The following LRP1B variants were observed in gnomAD, a reference collection of about 807,000 sequenced individuals.
The protein encoded by LRP1B is low-density lipoprotein receptor-related protein 1B.
A neutral mutation model predicts 556.6 loss-of-function variants in LRP1B; 217 were observed. The observed-to-expected ratio is 0.39, with a 90% confidence interval of 0.35 to 0.44. The LOEUF is 0.44. LRP1B is among the 20% of genes least tolerant of loss of function. LRP1B has a pLI of 1.00. For synonymous variants in LRP1B, 2,047 were observed against 1,865.8 expected (o/e 1.10, Z -2.50); for missense variants, 5,053 against 5,620.8 (o/e 0.90, Z 3.23).
intron 21 of LRP1B, among the ~76,000 whole-genome samples, chr2:140,919,302 C>T (rs1694670321): frequency 6.6e-6 from 1 of 151,964 alleles, no homozygotes. Flanking sequence ...AGAAATACAA[C>T]TTATATTTTT....
Position 141,033,383 on chromosome 2 carries a change from G to A in LRP1B, c.1790-13281C>T, listed in dbSNP as rs538416339. On this transcript the variant is annotated intron_variant, in intron 11 of 90. Transcript: ENST00000389484. ...TGGAAAGTTGTAAGTAGATTAACCA[G>A]ACTAGATTTAAAATTTAAAAAACTA... 3.9e-5 allele frequency among the ~76,000 whole-genome samples: 6 copies of A among 152,100 alleles called. No individual in the cohort carries two copies. The South Asian group carries it at 6.2e-4, about 16-fold the overall frequency.
chr2:140,844,688 G>T (rs1420744483), intron 29 of LRP1B, among the ~76,000 whole-genome samples: 1 of 152,076 alleles, frequency 6.6e-6, no homozygotes, highest in South Asian at 2.1e-4. Flanking sequence ...CAGTTCTGGG[G>T]TCTCTCATTT....
chr2:141,626,829 T>C (rs1688717589), intron 2 of LRP1B, among the ~76,000 whole-genome samples: 1 of 152,194 alleles, frequency 6.6e-6, no homozygotes, highest in Middle Eastern at 3.2e-3. Context: ...GAGCAATGAT[T>C]GAGAATTCAT....
chr2:140,813,148 A>C (rs1353528416), intron 32 of LRP1B, among the ~76,000 whole-genome samples: 1 of 152,188 alleles, frequency 6.6e-6, no homozygotes, highest in African/African-American at 2.4e-5. Context: ...ATTGAATCAA[A>C]GAATGGAAAT....
At chr2:141,040,382 G>A (rs1010503488) in intron 11 of LRP1B, among the ~76,000 whole-genome samples, 14 of 152,036 alleles carry the variant, frequency 9.2e-5, no homozygotes, top group African/African-American at 3.1e-4. Context: ...TCATTACTAC[G>A]AAACTCAATC....
At chr2:141,895,605 T>TC (rs1258072778) in intron 1 of LRP1B, among the ~76,000 whole-genome samples, 25 of 152,162 alleles carry the variant, frequency 1.6e-4, no homozygotes, top group Non-Finnish European at 2.6e-4. Context: ...ACCATTTTTT[T>TC]CCACCCATGA....
intron 14 of LRP1B, among the ~76,000 whole-genome samples, chr2:141,012,443 G>T (rs1032016431): frequency 4.6e-5 from 7 of 151,882 alleles, no homozygotes; most frequent in African/African-American, 1.2e-4. Flanking sequence ...GTGTGGTAGG[G>T]GTGCAGGGTT....
intron 58 of LRP1B, 21 bp downstream of exon 58, chr2:140,487,596 A>G (rs1688521324): frequency 3.1e-6 from 5 of 1,588,952 alleles, no homozygotes; most frequent in Non-Finnish European, 3.4e-6. Context: ...CAACAATCCC[A>G]TCATTGTAAT....
chr2:141,846,010 AAGAG>A (rs70994456), intron 1 of LRP1B, among the ~76,000 whole-genome samples: 3 of 150,658 alleles, frequency 2.0e-5, no homozygotes, highest in Non-Finnish European at 4.4e-5. Flanking sequence ...AGGAAATTTA[AAGAG>A]AGAGAGAGAG....
At chr2:140,416,404 C>T (rs1204391083) in intron 66 of LRP1B, among the ~76,000 whole-genome samples, 1 of 152,036 alleles carries the variant, frequency 6.6e-6, no homozygotes, top group African/African-American at 2.4e-5. Context: ...GCCTGTAATC[C>T]CAGCACTTGG....
At chr2:141,173,055 TAAA>T (rs5834814) in intron 7 of LRP1B, among the ~76,000 whole-genome samples, 13 of 146,874 alleles carry the variant, frequency 8.9e-5, no homozygotes, top group African/African-American at 1.5e-4. Flanking sequence ...GCTTTAAAAT[TAAA>T]AAAAAAAAAA....
chr2:141,603,578 T>C (rs1687823118), intron 2 of LRP1B, among the ~76,000 whole-genome samples: 1 of 152,184 alleles, frequency 6.6e-6, no homozygotes, highest in Non-Finnish European at 1.5e-5. Context: ...ACAGGACTGA[T>C]ATATTTAGTA....
At chr2:140,667,006 T>A (rs1218420558) in intron 41 of LRP1B, among the ~76,000 whole-genome samples, 1 of 152,216 alleles carries the variant, frequency 6.6e-6, no homozygotes, top group Non-Finnish European at 1.5e-5. Flanking sequence ...ACATACTTAT[T>A]ATCATATTCT....
chr2:141,686,064 A>G (rs573656310), intron 2 of LRP1B, among the ~76,000 whole-genome samples: 23 of 152,020 alleles, frequency 1.5e-4, no homozygotes, highest in Non-Finnish European at 2.5e-4. Flanking sequence ...CAGCATATGT[A>G]CTTTCAATGT....
intron 3 of LRP1B, among the ~76,000 whole-genome samples, chr2:141,276,693 G>A (rs921857377): frequency 9.7e-5 from 12 of 123,410 alleles, no homozygotes; most frequent in Non-Finnish European, 1.6e-4. Flanking sequence ...GTGTTGCTCT[G>A]TCGCCCAGGC....
intron 1 of LRP1B, among the ~76,000 whole-genome samples, chr2:142,063,569 C>A (rs1164355737): frequency 5.3e-5 from 8 of 151,682 alleles, no homozygotes; most frequent in African/African-American, 7.2e-5. Context: ...TATAACAGAT[C>A]TTTTCTAATT....
intron 1 of LRP1B, among the ~76,000 whole-genome samples, chr2:142,054,676 C>T (rs184875680): frequency 7.8e-4 from 119 of 152,200 alleles, no homozygotes; most frequent in Admixed American, 3.3e-3. Flanking sequence ...GAAGCTCCTA[C>T]AGTGAGTGAA....
intron 2 of LRP1B, among the ~76,000 whole-genome samples, chr2:141,696,102 G>C (rs1017358338): frequency 6.6e-6 from 1 of 151,818 alleles, no homozygotes; most frequent in Non-Finnish European, 1.5e-5. Context: ...TGGTTTACTT[G>C]CAAGAGTGTT....
At chr2:141,998,208 A>C (rs1041848447) in intron 1 of LRP1B, among the ~76,000 whole-genome samples, 3 of 152,116 alleles carry the variant, frequency 2.0e-5, no homozygotes, top group African/African-American at 7.2e-5. Context: ...CTGAATTATA[A>C]AATCTTAGTA....
Sources: allele counts gnomAD v4.1 joint callset (sites outside exome capture counted in the v4.1 genomes callset), GRCh38; gene constraint gnomAD v4.1.1; transcripts MANE v1.5; gene names NCBI Gene and HGNC (gene_info 2026-07-23, HGNC 2026-07-21).